Variants in TP53BP2 observed in about 807,000 individuals in gnomAD.
TP53BP2 encodes apoptosis-stimulating of p53 protein 2.
In TP53BP2, 62 loss-of-function variants were observed where a neutral mutation model predicts 126.2. The ratio of observed to expected loss-of-function variants is 0.49; its 90% CI spans 0.40 to 0.61. The LOEUF is 0.61. Among genes scored for constraint, TP53BP2 ranks in the 20% least tolerant of loss-of-function variants. The pLI is 0.00. For missense variants in TP53BP2, 1,215 were observed against 1,402.8 expected (o/e 0.87, Z 2.14); for synonymous variants, 485 against 502.9 (o/e 0.96, Z 0.48).
At chr1:223,824,492 C>G (rs1341628874) in intron 1 of TP53BP2, among the ~76,000 whole-genome samples, 2 of 152,136 alleles carry the variant, frequency 1.3e-5, no homozygotes, top group Non-Finnish European at 2.9e-5. Flanking sequence ...GGCAGGAGAT[C>G]TAGTTCAAAC....
In TP53BP2 at chr1:223,828,647, G is replaced by A. The variant is rs889378628; in HGVS notation, c.28-7280C>T. The stretch of plus-strand genomic sequence containing the variant: ...CTATATTAGAATGGAATATTATTCA[G>A]CCATCAAAAGGAATGAGGTACTGAT... On this transcript the variant is annotated intron_variant, in intron 1 of 17. Transcript: ENST00000343537. Among the ~76,000 whole-genome samples the A allele has an allele frequency of 2.0e-5, 3 of 152,164 alleles. 1 individual carries two copies. The highest frequency in any genetic ancestry group is 2.4e-5 in the African/African-American group (1 of 41,430).
At chr1:223,785,114 AGAG>A (rs1661906579) in intron 16 of TP53BP2, among the ~76,000 whole-genome samples, 1 of 152,248 alleles carries the variant, frequency 6.6e-6, no homozygotes, top group African/African-American at 2.4e-5. Flanking sequence ...GGAAAAAAGC[AGAG>A]GAGAAGGAAA....
In TP53BP2 at chr1:223,810,382, A is replaced by C. The variant is rs897455709; in HGVS notation, c.372+49T>G. 7 of 1,341,046 alleles carry C rather than the reference A, an allele frequency of 5.2e-6. No individual in the cohort carries two copies. The African/African-American group carries it at 7.3e-5, about 14-fold the overall frequency. The allele number at this position is 1,341,046 out of a possible 1,614,324, so 83.1% of individuals were successfully genotyped here. On this transcript the variant is annotated intron_variant, in intron 4 of 17. Coordinates refer to ENST00000343537, the MANE Select transcript of TP53BP2 (RefSeq NM_001031685.3). ...TAATGAATAAGATTTAAAGTTAAAA[A>C]ATATGTATCACTGTGGTATATACAG... is the stretch of plus-strand genomic sequence containing the variant.
rs556711213 is a variant in TP53BP2 at position 223,800,035 on chromosome 1, T to A, written c.1349A>T (p.Glu450Val). Residue 450 changes from glutamate to valine, a missense_variant, in exon 11 of 18, where the codon GAG becomes GTG. Glu to Val is a moderately radical substitution (Grantham distance 121). Coordinates refer to ENST00000343537, the MANE Select transcript of TP53BP2 (RefSeq NM_001031685.3). ...GNALDQVDDG[E>V]VPLREKEKKV... The stretch of plus-strand genomic sequence containing the variant: ...CTTCTCTTTCTCCCTCAGCGGAACC[T>A]CTCCATCATCAACTAAAGACAAAAA... The A allele has an allele frequency of 1.2e-6, 2 of 1,605,220 alleles. 1 individual carries two copies. The highest frequency in any genetic ancestry group is 2.2e-5 in the South Asian group (2 of 89,476).
At chr1:223,819,816 C>A (rs996517920) in intron 2 of TP53BP2, among the ~76,000 whole-genome samples, 1 of 152,200 alleles carries the variant, frequency 6.6e-6, no homozygotes, top group Non-Finnish European at 1.5e-5. Context: ...TTTCCTCATT[C>A]TGCAAATATT....
At chr1:223,809,002 G>T (rs1185145823) in intron 4 of TP53BP2, among the ~76,000 whole-genome samples, 1 of 152,034 alleles carries the variant, frequency 6.6e-6, no homozygotes, top group African/African-American at 2.4e-5. Flanking sequence ...GTAAAACTCT[G>T]GTGGGCATGT....
Position 223,814,334 on chromosome 1 carries a change from A to T in TP53BP2, c.195T>A (p.Asn65Lys), listed in dbSNP as rs199696993. The T allele has an allele frequency of 5.9e-5, 95 of 1,613,306 alleles. No individual in the cohort carries two copies. The highest frequency in any genetic ancestry group is 4.9e-4 in the Middle Eastern group (3 of 6,084). The change falls in exon 3 of 18, where the codon AAT becomes AAA. Residue 65 changes from asparagine to lysine, a missense_variant. By Grantham distance (94) the Asn-to-Lys change is moderately conservative (BLOSUM62 0). Coordinates refer to ENST00000343537, the MANE Select transcript of TP53BP2 (RefSeq NM_001031685.3). ...WCGSERPVAD[N>K]ERMFDVLQRF... The stretch of plus-strand genomic sequence containing the variant: ...GTTGAAGAACATCAAACATTCGCTC[A>T]TTATCCGCAACTGGACGTTCTAAAG...
chr1:223,814,063 C>A, intron 3 of TP53BP2, 177 bp downstream of exon 3: 1 of 564,594 alleles, frequency 1.8e-6, no homozygotes, highest in Non-Finnish European at 3.2e-6. Context: ...CTCCTTCCCA[C>A]CTGCATTAAA....
Position 223,803,264 on chromosome 1 carries a change from G to T in TP53BP2, c.831+7C>A, listed in dbSNP as rs777158212. ...TGTACAGCTTTTGGCAAACAGCTAC[G>T]GTCTACCTGCAGCTCCTTATAGAGG... On this transcript the variant is annotated splice_region_variant and intron_variant, in intron 7 of 17. Transcript: ENST00000343537. 8 of 1,603,206 alleles carry T rather than the reference G, an allele frequency of 5.0e-6. No individual in the cohort carries two copies. In the Admixed American group the frequency reaches 6.9e-5, roughly 14 times the overall value.
At chr1:223,836,484 G>GT (rs1663925892) in intron 1 of TP53BP2, among the ~76,000 whole-genome samples, 1 of 152,170 alleles carries the variant, frequency 6.6e-6, no homozygotes, top group Non-Finnish European at 1.5e-5. Context: ...AAATGGAAAT[G>GT]TATCAATGAC....
intron 2 of TP53BP2, chr1:223,820,949 G>C (rs1571866204): frequency 2.1e-6 from 1 of 486,368 alleles, no homozygotes; most frequent in South Asian, 2.4e-5. Flanking sequence ...CACATACAAA[G>C]ACACTGTTGA....
intron 2 of TP53BP2, among the ~76,000 whole-genome samples, chr1:223,820,240 A>G (rs980571589): frequency 2.6e-5 from 4 of 152,250 alleles, no homozygotes; most frequent in Admixed American, 1.3e-4. Context: ...TGCAGGAAGA[A>G]GCAGAGAAGA....
intron 15 of TP53BP2, among the ~76,000 whole-genome samples, chr1:223,790,961 CT>C (rs1264973029): frequency 6.6e-6 from 1 of 152,028 alleles, no homozygotes; most frequent in Non-Finnish European, 1.5e-5. Context: ...TCACTGCATG[CT>C]TTTTAATAAT....
chr1:223,833,294 G>T lies in TP53BP2; in HGVS notation c.28-11927C>A, dbSNP rs183519996. ...TCAGTTACATCTGAGTTTATTTAAA[G>T]CAAAATCATAAAGTCATATTCAAAG... On this transcript the variant is annotated intron_variant, in intron 1 of 17. Coordinates refer to ENST00000343537, the MANE Select transcript of TP53BP2 (RefSeq NM_001031685.3). Among the ~76,000 whole-genome samples, 169 of 152,228 alleles carry T rather than the reference G, an allele frequency of 1.1e-3. 1 individual carries two copies. The highest frequency in any genetic ancestry group is 3.8e-3 in the African/African-American group (157 of 41,548).
At chr1:223,836,164 T>C (rs991123555) in intron 1 of TP53BP2, among the ~76,000 whole-genome samples, 3 of 152,188 alleles carry the variant, frequency 2.0e-5, no homozygotes, top group Non-Finnish European at 4.4e-5. Flanking sequence ...GCCACGAATG[T>C]GCTGCAAAAA....
chr1:223,837,810 G>A (rs917965354), intron 1 of TP53BP2, among the ~76,000 whole-genome samples: 1 of 151,900 alleles, frequency 6.6e-6, no homozygotes, highest in African/African-American at 2.4e-5. Context: ...TGGCTCCCAC[G>A]TCCCTTCCCA....
At chr1:223,802,684 CAT>C in intron 8 of TP53BP2, 45 bp downstream of exon 8, 3 of 1,605,686 alleles carry the variant, frequency 1.9e-6, no homozygotes, top group Non-Finnish European at 2.6e-6. Flanking sequence ...CTGGGCTGGT[CAT>C]CTTTTTCCCT....
At chr1:223,831,476 A>AT (rs1553263434) in intron 1 of TP53BP2, among the ~76,000 whole-genome samples, 24 of 50,192 alleles carry the variant, frequency 4.8e-4, no homozygotes, top group Admixed American at 1.4e-3. Flanking sequence ...TAAAAAAAAA[A>AT]AAAAATATAT....
chr1:223,837,835 T>A (rs1663973500), intron 1 of TP53BP2, among the ~76,000 whole-genome samples: 1 of 151,984 alleles, frequency 6.6e-6, no homozygotes, highest in Admixed American at 6.5e-5. Context: ...ACCTCCACCC[T>A]TCCCTCTGGC....
Sources: allele counts gnomAD v4.1 joint callset (sites outside exome capture counted in the v4.1 genomes callset), GRCh38; gene constraint gnomAD v4.1.1; transcripts MANE v1.5; gene names NCBI Gene and HGNC (gene_info 2026-07-23, HGNC 2026-07-21).